Variants in TUT7 observed in about 807,000 individuals in gnomAD.
TUT7 encodes the protein terminal uridylyltransferase 7.
Under a neutral mutation model 165.9 loss-of-function variants are expected in TUT7, and 33 were observed. The observed-to-expected ratio is 0.20, with a 90% CI of 0.15 to 0.27. The LOEUF is 0.27. Ranked by LOEUF, TUT7 falls within the 10% of genes least tolerant of loss-of-function variation. TUT7 has a pLI of 1.00. For synonymous variants in TUT7, 552 were observed against 608.1 expected, an observed-to-expected ratio of 0.91 and a Z score of 1.36; for missense variants, 1,338 against 1,762.3, an observed-to-expected ratio of 0.76 and a Z score of 4.31.
intron 26 of TUT7, among the ~76,000 whole-genome samples, chr9:86,294,821 A>G (rs1826173932): frequency 6.6e-6 from 1 of 151,468 alleles, no homozygotes; most frequent in Admixed American, 6.6e-5. Flanking sequence ...TACATGTGCC[A>G]TGTTGGTGTG....
chr9:86,342,051 C>T (rs917532912), intron 6 of TUT7, among the ~76,000 whole-genome samples: 1 of 152,132 alleles, frequency 6.6e-6, no homozygotes. Context: ...TGGTAAATCA[C>T]TGATCAGAAT....
At position 86,322,515 on chromosome 9, in the gene TUT7, T is replaced by C; in HGVS notation, c.2878-40A>G. The C allele has an allele frequency of 2.5e-6, 4 of 1,575,590 alleles. No individual in the cohort carries two copies. The South Asian group carries it at 4.7e-5, about 19-fold the overall frequency. ...CAAAGCAAAACAAGACTTAACACTTTATTTGCCAAATAAAGGAGTCTGGAA... is the reference window on the plus strand; with the variant it reads ...CAAAGCAAAACAAGACTTAACACTTCATTTGCCAAATAAAGGAGTCTGGAA... On this transcript the variant is annotated intron_variant, in intron 13 of 26. Coordinates refer to ENST00000375963, the MANE Select transcript of TUT7 (RefSeq NM_024617.4).
chr9:86,308,633 C>T, intron 21 of TUT7, 27 bp from the exon 22 acceptor site: 1 of 1,564,664 alleles, frequency 6.4e-7, no homozygotes. Context: ...ACAAGGGATA[C>T]CATGGTCTTT....
chr9:86,290,746 A>G (rs1825839765), intron 26 of TUT7, among the ~76,000 whole-genome samples: 1 of 151,786 alleles, frequency 6.6e-6, no homozygotes, highest in Non-Finnish European at 1.5e-5. Flanking sequence ...TAGTAGTCCC[A>G]GCTACTCGGA....
rs1831831585 is a variant in TUT7, at chr9:86,346,998, T to C, written c.521-518A>G. On this transcript the variant is annotated intron_variant, in intron 2 of 26. Transcript: ENST00000375963. The stretch of plus-strand genomic sequence containing the variant: ...CCCTGGACAACTCAGAAATCAACTA[T>C]ATACTCATCTGGAGTGAAAAATCAT... Among the ~76,000 whole-genome samples, 3 of 152,188 alleles carry C rather than the reference T, an allele frequency of 2.0e-5. No homozygotes were observed. In the South Asian group the frequency reaches 6.2e-4, roughly 31 times the overall value.
chr9:86,342,562 G>A (rs914495168), intron 6 of TUT7, among the ~76,000 whole-genome samples: 10 of 152,028 alleles, frequency 6.6e-5, no homozygotes, highest in African/African-American at 1.4e-4. Flanking sequence ...GAACTGTGCC[G>A]TGTCCAGCTA....
rs1405073850 is a variant in TUT7 at position 86,297,810 on chromosome 9, GA to G, written c.4420+3465del. ...TAGTCTCTCATTTCACTTTGAGGGAGAAAAAAACCAACAAAAACGGTACCTA... is the reference window on the plus strand; with the variant it reads ...TAGTCTCTCATTTCACTTTGAGGGAGAAAAAACCAACAAAAACGGTACCTA... On this transcript the variant is annotated intron_variant, in intron 26 of 26. Coordinates refer to ENST00000375963, the MANE Select transcript of TUT7 (RefSeq NM_024617.4). Among the ~76,000 whole-genome samples, 3 of 150,638 alleles carry G rather than the reference GA, an allele frequency of 2.0e-5. No homozygotes were observed. The South Asian group carries it at 6.3e-4, about 32-fold the overall frequency.
chr9:86,337,327 T>C, intron 10 of TUT7, 92 bp downstream of exon 10: 1 of 1,333,792 alleles, frequency 7.5e-7, no homozygotes, highest in Admixed American at 2.2e-5. Flanking sequence ...TCAGTTCTGG[T>C]TAGGTGTCTA....
intron 5 of TUT7, 68 bp from the exon 6 acceptor site, chr9:86,343,231 C>T: frequency 1.0e-6 from 1 of 966,488 alleles, no homozygotes; most frequent in Non-Finnish European, 1.5e-6. Context: ...TAACAAAACA[C>T]TGCTATTTCA....
intron 14 of TUT7, among the ~76,000 whole-genome samples, chr9:86,319,910 G>A (rs758102097): frequency 6.6e-6 from 1 of 152,068 alleles, no homozygotes; most frequent in East Asian, 1.9e-4. Flanking sequence ...TTAGCTTACT[G>A]CAACCTCTGC....
chr9:86,327,743 A>G (rs1360764778), intron 11 of TUT7, among the ~76,000 whole-genome samples: 1 of 152,162 alleles, frequency 6.6e-6, no homozygotes, highest in African/African-American at 2.4e-5. Flanking sequence ...GAGGAGTGAC[A>G]TGACTTGTTT....
At chr9:86,335,510 A>G (rs1335128822) in intron 10 of TUT7, among the ~76,000 whole-genome samples, 1 of 152,210 alleles carries the variant, frequency 6.6e-6, no homozygotes, top group African/African-American at 2.4e-5. Flanking sequence ...TTGTGAAAAG[A>G]CAGATCAGAG....
In TUT7 at chr9:86,323,375, A is replaced by G; in HGVS notation, c.2375T>C (p.Phe792Ser). The change falls in exon 13 of 27, where the codon TTC becomes TCC. Residue 792 changes from phenylalanine (F) to serine (S), a missense_variant. Phe to Ser is a radical substitution (Grantham distance 155, BLOSUM62 -2). Transcript: ENST00000375963. ...ESESTLDLEG[F>S]QNPTAKECEG... ...ACACTCTTTAGCTGTGGGATTTTGG[A>G]AGCCTTCTAAATCCAAAGTGCTCTC... 6.2e-7 allele frequency: 1 copy of G among 1,614,108 alleles called. No homozygotes were observed. The highest frequency in any genetic ancestry group is 8.5e-7 in the Non-Finnish European group (1 of 1,180,020).
chr9:86,301,648 ACAAAATATTAAGGCAATTCC>A (rs1406686297), intron 25 of TUT7, 47 bp from the exon 26 acceptor site: 25 of 1,552,932 alleles, frequency 1.6e-5, no homozygotes, highest in Non-Finnish European at 2.0e-5. Flanking sequence ...CAGAAGCCTA[ACAAAATATTAAGGCAATTCC>A]CAAAATATTA....
chr9:86,338,709 C>T (rs1831059553), intron 9 of TUT7, 114 bp downstream of exon 9: 1 of 1,211,292 alleles, frequency 8.3e-7, no homozygotes, highest in Admixed American at 3.1e-5. Context: ...ATGTCTTTCT[C>T]TTTTGATGTC....
chr9:86,293,631 T>A (rs1382753152), intron 26 of TUT7, among the ~76,000 whole-genome samples: 1 of 152,228 alleles, frequency 6.6e-6, no homozygotes, highest in African/African-American at 2.4e-5. Context: ...TTTGGGAATA[T>A]TGGCATCACT....
rs1194935338 is a variant in TUT7 at position 86,312,280 on chromosome 9, C to T, written c.3275-1471G>A. Among the ~76,000 whole-genome samples the T allele has an allele frequency of 2.3e-4, 34 of 146,964 alleles. No homozygotes were observed. The South Asian group carries it at 7.4e-3, about 32-fold the overall frequency. ...AGCGCCTCTGCTCTGCCGCCCCGTC[C>T]GGGATGTGAGGAGCGTCTCTGCCCG... On this transcript the variant is annotated intron_variant, in intron 17 of 26. Coordinates refer to ENST00000375963, the MANE Select transcript of TUT7 (RefSeq NM_024617.4).
chr9:86,327,329 A>G (rs999990539), intron 11 of TUT7, among the ~76,000 whole-genome samples: 1 of 152,216 alleles, frequency 6.6e-6, no homozygotes, highest in Admixed American at 6.5e-5. Flanking sequence ...TTTCTTTTTC[A>G]AATAAAATAA....
In TUT7 at chr9:86,340,231, A is replaced by C. The variant is rs545771113; in HGVS notation, c.1139-126T>G. The stretch of plus-strand genomic sequence containing the variant: ...GTCTTTTGAAAGACCACTACTAAAT[A>C]ATGCTCTGCAATGACTTGAAAAGGA... On this transcript the variant is annotated intron_variant, in intron 7 of 26. Coordinates refer to ENST00000375963, the MANE Select transcript of TUT7 (RefSeq NM_024617.4). The C allele has an allele frequency of 2.4e-5, 17 of 697,626 alleles. No homozygotes were observed. The East Asian group carries it at 4.4e-4, about 18-fold the overall frequency. The allele number at this position is 697,626 out of a possible 1,614,324, so 43.2% of individuals were successfully genotyped here.
Sources: allele counts gnomAD v4.1 joint callset (sites outside exome capture counted in the v4.1 genomes callset), GRCh38; gene constraint gnomAD v4.1.1; transcripts MANE v1.5; gene names NCBI Gene and HGNC (gene_info 2026-07-23, HGNC 2026-07-21).